Variants in KLRD1 observed in about 807,000 individuals in gnomAD.
KLRD1 encodes the protein natural killer cells antigen CD94.
In KLRD1, 21 loss-of-function variants were observed where a neutral mutation model predicts 22.6. That is an observed-to-expected ratio of 0.93 (90% CI 0.66 to 1.34). The LOEUF (loss-of-function observed/expected upper bound fraction) is 1.34. KLRD1 is among the 40% of genes most tolerant of loss of function. KLRD1 has a pLI of 0.00. For synonymous variants in KLRD1, 59 were observed against 71.1 expected, an observed-to-expected ratio of 0.83 and a Z score of 0.85; for missense variants, 183 against 208.6, an observed-to-expected ratio of 0.88 and a Z score of 0.76.
intron 1 of KLRD1, among the ~76,000 whole-genome samples, chr12:10,260,530 C>G (rs1949441727): frequency 6.6e-6 from 1 of 152,084 alleles, no homozygotes; most frequent in Non-Finnish European, 1.5e-5. Context: ...AGGCCAGGCA[C>G]AGTGGCTCAC....
intron 1 of KLRD1, among the ~76,000 whole-genome samples, chr12:10,250,828 A>G (rs373778819): frequency 6.8e-4 from 104 of 152,256 alleles, no homozygotes; most frequent in Admixed American, 1.0e-3. Context: ...TTAAGGTAAT[A>G]TAAAGGGTCT....
chr12:10,270,614 T>C (rs74062159), intron 1 of KLRD1, among the ~76,000 whole-genome samples: 2,388 of 152,216 alleles, frequency 0.016, 54 homozygotes, highest in African/African-American at 0.054. Flanking sequence ...TGGGGAGTAA[T>C]TCTAAAAATT....
chr12:10,263,008 G>A (rs1423013382), intron 1 of KLRD1, among the ~76,000 whole-genome samples: 1 of 151,990 alleles, frequency 6.6e-6, no homozygotes, highest in Non-Finnish European at 1.5e-5. Context: ...TATTTTTGCA[G>A]CAAACACCTT....
At chr12:10,251,687 A>C (rs1294815165) in intron 1 of KLRD1, among the ~76,000 whole-genome samples, 1 of 151,848 alleles carries the variant, frequency 6.6e-6, no homozygotes, top group African/African-American at 2.4e-5. Context: ...ATTTTTGTGC[A>C]ACTAGATAGT....
intron 1 of KLRD1, among the ~76,000 whole-genome samples, chr12:10,272,611 G>T (rs4764369): frequency 6.6e-6 from 1 of 152,052 alleles, no homozygotes; most frequent in Admixed American, 6.5e-5. Flanking sequence ...TGATGTCTCT[G>T]GTTCCATTGT....
chr12:10,294,319 G>A (rs111665536), intron 1 of KLRD1, among the ~76,000 whole-genome samples: 73 of 152,292 alleles, frequency 4.8e-4, no homozygotes, highest in African/African-American at 1.7e-3. Context: ...AGTATGAAGA[G>A]GAGTTACCAG....
Position 10,270,710 on chromosome 12 carries a change from T to C in KLRD1, c.-100-37268T>C, listed in dbSNP as rs554161498. Among the ~76,000 whole-genome samples the C allele has an allele frequency of 9.9e-5, 15 of 152,244 alleles. 1 individual carries two copies. Among genetic ancestry groups the C allele is most frequent in the African/African-American group, 3.6e-4 (15 of 41,530 alleles). On this transcript the variant is annotated intron_variant, in intron 1 of 5. Coordinates refer to the KLRD1 transcript ENST00000544747. ...TTTATGAACTAACAAGTTGCCCTAGTAAAGAACTCTTCCAAAGGCTACAAA... is the reference window on the plus strand; with the variant it reads ...TTTATGAACTAACAAGTTGCCCTAGCAAAGAACTCTTCCAAAGGCTACAAA...
At chr12:10,254,121 G>A (rs937004936) in intron 1 of KLRD1, among the ~76,000 whole-genome samples, 3 of 152,012 alleles carry the variant, frequency 2.0e-5, no homozygotes, top group Non-Finnish European at 2.9e-5. Flanking sequence ...AGAGCTTCTG[G>A]ACAGCAAAAG....
chr12:10,264,983 A>G (rs77777779), intron 1 of KLRD1, among the ~76,000 whole-genome samples: 4,705 of 152,254 alleles, frequency 0.031, 113 homozygotes, highest in Non-Finnish European at 0.048. Flanking sequence ...TTCACTAAGC[A>G]TAACGTCTTC....
intron 1 of KLRD1, among the ~76,000 whole-genome samples, chr12:10,281,953 C>A (rs959108267): frequency 4.6e-5 from 7 of 152,154 alleles, no homozygotes. Flanking sequence ...AAATAGAATT[C>A]TGTAGTCTTG....
chr12:10,316,227 T>G lies in KLRD1; in HGVS notation c.*1434T>G, dbSNP rs1950225105. 1.3e-5 allele frequency: 2 copies of G among 149,240 alleles called. No homozygotes were observed. Among genetic ancestry groups the G allele is most frequent in the African/African-American group, 4.9e-5 (2 of 40,670 alleles). 9.2% of individuals were successfully genotyped at this position (149,240 alleles called of 1,614,324 possible). A position where few individuals can be genotyped will look rare whatever the true frequency, so the allele number is the denominator to read the frequency against. ...ACTCCAACCACGGAGTAACATCCCA[T>G]CATAATCCCAAATCCTACTCAAACA... On this transcript the variant is annotated 3_prime_UTR_variant, in exon 6 of 6. Transcript: ENST00000336164.
chr12:10,278,022 T>C (rs534653562), intron 1 of KLRD1, among the ~76,000 whole-genome samples: 37 of 152,364 alleles, frequency 2.4e-4, no homozygotes, highest in African/African-American at 8.9e-4. Flanking sequence ...GCGACCATCA[T>C]AGACTGGCAG....
chr12:10,242,071 G>GTTTTTTTTTTTTTTTTTTTTTTTTT (rs72326980), intron 1 of KLRD1, among the ~76,000 whole-genome samples: 1 of 99,396 alleles, frequency 1.0e-5, no homozygotes, highest in Non-Finnish European at 1.9e-5. Context: ...TGTTCTTGCT[G>GTTTTTTTTTTTTTTTTTTTTTTTTT]TTTTTTTTTT....
intron 1 of KLRD1, among the ~76,000 whole-genome samples, chr12:10,254,871 C>T (rs1258168617): frequency 7.4e-6 from 1 of 134,266 alleles, no homozygotes; most frequent in Non-Finnish European, 1.6e-5. Flanking sequence ...CCAGCCTAGG[C>T]AACAGAGCGA....
intron 1 of KLRD1, among the ~76,000 whole-genome samples, chr12:10,284,113 GA>G: frequency 6.6e-6 from 1 of 152,158 alleles, no homozygotes; most frequent in South Asian, 2.1e-4. Context: ...CCTGAACTGG[GA>G]GGTGGAGGTT....
chr12:10,266,735 C>G lies in KLRD1; in HGVS notation c.-101+40502C>G, dbSNP rs577793267. ...TATATATGCACACATTATTTGTACA[C>G]AGGTGCATATGACTTTATTATATAT... On this transcript the variant is annotated intron_variant, in intron 1 of 5. Coordinates refer to the KLRD1 transcript ENST00000544747. Among the ~76,000 whole-genome samples, 163 of 151,912 alleles carry G rather than the reference C, an allele frequency of 1.1e-3. 1 individual carries two copies. Among genetic ancestry groups the G allele is most frequent in the African/African-American group, 3.8e-3 (156 of 41,486 alleles).
chr12:10,318,137 A>T lies in KLRD1; in HGVS notation c.*3344A>T, dbSNP rs1333889378. On this transcript the variant is annotated 3_prime_UTR_variant, in exon 6 of 6. Transcript: ENST00000336164. ...TGTATTCTCATATTGCATGCATAAG[A>T]AAGTGAGTTATTTTACAGCTGAACT... 6.6e-6 allele frequency: 1 copy of T among 152,212 alleles called. No individual in the cohort carries two copies. The highest frequency in any genetic ancestry group is 1.5e-5 in the Non-Finnish European group (1 of 68,052). The allele number at this position is 152,212 out of a possible 1,614,324, so 9.4% of individuals were successfully genotyped here. A position where few individuals can be genotyped will look rare whatever the true frequency, so the allele number is the denominator to read the frequency against.
intron 1 of KLRD1, chr12:10,308,689 A>G (rs1216128473): frequency 6.5e-6 from 1 of 153,060 alleles, no homozygotes; most frequent in African/African-American, 2.4e-5. Flanking sequence ...CAAAGTTGTT[A>G]CCCATCAATT....
rs1198295775 is a variant in KLRD1 at position 10,323,551 on chromosome 12, T to C, written c.*8758T>C. On this transcript the variant is annotated 3_prime_UTR_variant, in exon 6 of 6. Transcript: ENST00000336164. ...TGAGATACTTTAAGCATACTTTATA[T>C]GCTTAAAGTATGACATTTGATGTAT... The C allele has an allele frequency of 6.6e-6, 1 of 152,130 alleles. No individual in the cohort carries two copies. Among genetic ancestry groups the C allele is most frequent in the Non-Finnish European group, 1.5e-5 (1 of 68,014 alleles). The allele number at this position is 152,130 out of a possible 1,614,324, so 9.4% of individuals were successfully genotyped here.
Sources: allele counts gnomAD v4.1 joint callset (sites outside exome capture counted in the v4.1 genomes callset), GRCh38; gene constraint gnomAD v4.1.1; transcripts MANE v1.5; gene names NCBI Gene and HGNC (gene_info 2026-07-23, HGNC 2026-07-21).